The following NOC3L variants were observed in gnomAD, a reference collection of about 807,000 sequenced individuals.
The protein encoded by NOC3L is NOC3 like DNA replication regulator.
A neutral mutation model predicts 102.5 loss-of-function variants in NOC3L; 85 were observed. That is an observed-to-expected ratio of 0.83 (90% CI 0.70 to 0.99). The LOEUF is 0.99. Ranked by LOEUF, NOC3L falls within the 50% of genes least tolerant of loss-of-function variation. NOC3L has a pLI of 0.00. For missense variants in NOC3L, 878 were observed against 914.9 expected (o/e 0.96, Z 0.52); for synonymous variants, 303 against 309.4 (o/e 0.98, Z 0.22).
At chr10:94,316,531 T>C in the NOC3L span, 2 of 1,578,290 alleles carry the variant, frequency 1.3e-6, no homozygotes, top group Middle Eastern at 2.3e-4. Flanking sequence ...TCAGTTTGCC[T>C]TCACTTTTTC....
In NOC3L at chr10:94,333,334, T is replaced by C. The variant is rs1306510785; in HGVS notation, c.*843A>G. ...TTAGGCCACTCCTAGAATATGGGAA[T>C]AGCTGTTACATAAAATACTGTTTTA... On this transcript the variant is annotated 3_prime_UTR_variant, in exon 21 of 21. Coordinates refer to ENST00000371361, the MANE Select transcript of NOC3L (RefSeq NM_022451.11). 6.6e-6 allele frequency: 1 copy of C among 152,202 alleles called. No individual in the cohort carries two copies. The highest frequency in any genetic ancestry group is 1.5e-5 in the Non-Finnish European group (1 of 68,028). 9.4% of individuals were successfully genotyped at this position (152,202 alleles called of 1,614,324 possible).
chr10:94,362,815 T>C lies in NOC3L; in HGVS notation c.9+15A>G, dbSNP rs778809880. On this transcript the variant is annotated intron_variant, in intron 1 of 20. Transcript: ENST00000371361. ...GGCCCTAGGCCGCGGCGACCGGGCT[T>C]TTGAGGACACTTACCGCCTTCATCC... The C allele has an allele frequency of 1.2e-6, 2 of 1,613,900 alleles. No individual in the cohort carries two copies. The highest frequency in any genetic ancestry group is 1.7e-6 in the Non-Finnish European group (2 of 1,180,032).
At position 94,357,073 on chromosome 10, in the gene NOC3L, A is replaced by G. The variant is rs2054495087; in HGVS notation, c.508+101T>C. ...AAGACTAATTGAATATTTTCTAGAT[A>G]TGGGTAAAATCAAAGTAAAATTAAA... On this transcript the variant is annotated intron_variant, in intron 4 of 20. Coordinates refer to ENST00000371361, the MANE Select transcript of NOC3L (RefSeq NM_022451.11). 3 of 872,796 alleles carry G rather than the reference A, an allele frequency of 3.4e-6. No individual in the cohort carries two copies. In the Admixed American group the frequency reaches 8.6e-5, roughly 25 times the overall value. The allele number at this position is 872,796 out of a possible 1,614,324, so 54.1% of individuals were successfully genotyped here.
intron 8 of NOC3L, 39 bp from the exon 9 acceptor site, chr10:94,350,327 C>A: frequency 6.3e-7 from 1 of 1,578,358 alleles, no homozygotes; most frequent in South Asian, 1.1e-5. Flanking sequence ...ACTCATTGGT[C>A]AAAAGTTAAA....
rs757140631 is a variant in NOC3L at position 94,334,622 on chromosome 10, A to C, written c.2274+12T>G. On this transcript the variant is annotated intron_variant, in intron 20 of 20. Coordinates refer to ENST00000371361, the MANE Select transcript of NOC3L (RefSeq NM_022451.11). ...TATTTCTTCCTTTAAAAAAATGAAAAATATCCCATACCTTTATTTTGGGGT... is the reference window on the plus strand; with the variant it reads ...TATTTCTTCCTTTAAAAAAATGAAACATATCCCATACCTTTATTTTGGGGT... 1 of 1,597,846 alleles carries C rather than the reference A, an allele frequency of 6.3e-7. No homozygotes were observed. Among genetic ancestry groups the C allele is most frequent in the Non-Finnish European group, 8.6e-7 (1 of 1,168,732 alleles).
At position 94,339,806 on chromosome 10, in the gene NOC3L, G is replaced by T. The variant is rs1361074037; in HGVS notation, c.1895C>A (p.Thr632Asn). 1 of 1,614,144 alleles carries T rather than the reference G, an allele frequency of 6.2e-7. No individual in the cohort carries two copies. The highest frequency in any genetic ancestry group is 1.7e-5 in the Admixed American group (1 of 60,020). The change falls in exon 17 of 21, where the codon ACC (threonine) becomes AAC (asparagine). Residue 632 changes from threonine (T) to asparagine (N), a missense_variant. Physicochemically the swap from Thr to Asn is moderately conservative, Grantham distance 65. Transcript: ENST00000371361. ...ATTTGGAAGAACATGAAGAGCAAGG[G>T]TACAAAGGCGTTTGATGAAGGCAAG... ...RALAFIKRLC[T>N]LALHVLPNSS... is the part of the protein sequence containing the mutation.
intron 19 of NOC3L, among the ~76,000 whole-genome samples, chr10:94,336,742 A>G (rs895122638): frequency 6.6e-6 from 1 of 151,886 alleles, no homozygotes; most frequent in South Asian, 2.1e-4. Flanking sequence ...CTTTCTCTGT[A>G]TAACTTAAGT....
At chr10:94,352,067 A>C (rs1384876901) in intron 8 of NOC3L, among the ~76,000 whole-genome samples, 2 of 152,218 alleles carry the variant, frequency 1.3e-5, no homozygotes, top group Non-Finnish European at 2.9e-5. Flanking sequence ...TAATCCTGGA[A>C]GGTAAGTACT....
Position 94,352,922 on chromosome 10 carries a change from G to T in NOC3L, c.832C>A (p.Leu278Ile). Residue 278 changes from leucine (L) to isoleucine (I), a missense_variant, in exon 7 of 21, where the codon CTC becomes ATC. By Grantham distance (5) the Leu-to-Ile change is conservative. Coordinates refer to ENST00000371361, the MANE Select transcript of NOC3L (RefSeq NM_022451.11). ...DITPSYKIRP[L>I]TEAEKSTKTR... ...TTAGTAGATTTTTCTGCTTCTGTGA[G>T]GGGCCGGATTTTATATGAAGGAGTA... The T allele has an allele frequency of 6.2e-7, 1 of 1,613,218 alleles. No individual in the cohort carries two copies. Among genetic ancestry groups the T allele is most frequent in the Non-Finnish European group, 8.5e-7 (1 of 1,179,498 alleles).
chr10:94,319,864 CTTTT>C, the NOC3L span, among the ~76,000 whole-genome samples: 105 of 92,932 alleles, frequency 1.1e-3, 1 homozygote, highest in Middle Eastern at 7.7e-3. Flanking sequence ...CAAAGGTGCT[CTTTT>C]TTTTTTTTTT....
chr10:94,340,363 A>G lies in NOC3L; in HGVS notation c.1709-16T>C, dbSNP rs944450252. The G allele has an allele frequency of 6.2e-7, 1 of 1,612,358 alleles. No homozygotes were observed. Among genetic ancestry groups the G allele is most frequent in the African/African-American group, 1.3e-5 (1 of 74,882 alleles). On this transcript the variant is annotated splice_polypyrimidine_tract_variant and intron_variant, in intron 15 of 20. Coordinates refer to ENST00000371361, the MANE Select transcript of NOC3L (RefSeq NM_022451.11). The stretch of plus-strand genomic sequence containing the variant: ...AGAACATCACCTTTGAAATGACAAC[A>G]AACACCAATTAGGTATGTTATAGCA...
chr10:94,354,974 G>A lies in NOC3L; in HGVS notation c.685C>T (p.Pro229Ser). Reference protein sequence around the residue: ...AALASAILSDPENNIKKLKEL... With the variant: ...AALASAILSDSENNIKKLKEL... ...TTAATACTACCTACATTATTTTCTG[G>A]ATCTGATAATATGGCAGATGCCAAG... Residue 229 changes from proline (P) to serine (S), a missense_variant, in exon 6 of 21, where the codon CCA (proline) becomes TCA (serine). Coordinates refer to ENST00000371361, the MANE Select transcript of NOC3L (RefSeq NM_022451.11). 1.2e-6 allele frequency: 2 copies of A among 1,612,848 alleles called. No homozygotes were observed. Among genetic ancestry groups the A allele is most frequent in the Non-Finnish European group, 8.5e-7 (1 of 1,179,530 alleles).
downstream of NOC3L, chr10:94,329,062 T>A (rs1564904781): frequency 6.6e-6 from 1 of 152,196 alleles, no homozygotes. Flanking sequence ...ATTAGAAGCA[T>A]TAGTTCTCAG....
chr10:94,356,268 G>C (rs1018190671), intron 5 of NOC3L, among the ~76,000 whole-genome samples: 1 of 152,058 alleles, frequency 6.6e-6, no homozygotes, highest in Non-Finnish European at 1.5e-5. Context: ...AAGGAATTCA[G>C]AACAGTAATA....
chr10:94,344,640 T>C (rs1225434306), intron 12 of NOC3L, 125 bp from the exon 13 acceptor site: 2 of 713,474 alleles, frequency 2.8e-6, no homozygotes, highest in Non-Finnish European at 4.7e-6. Flanking sequence ...ATGCAATCTT[T>C]GAAATTTTTA....
intron 2 of NOC3L, among the ~76,000 whole-genome samples, chr10:94,361,084 T>A (rs1428504731): frequency 6.6e-6 from 1 of 152,144 alleles, no homozygotes; most frequent in Non-Finnish European, 1.5e-5. Flanking sequence ...TCTGATATAG[T>A]CAAATAAGAA....
intron 2 of NOC3L, among the ~76,000 whole-genome samples, chr10:94,359,626 G>T (rs1236915761): frequency 1.3e-5 from 2 of 152,078 alleles, no homozygotes; most frequent in Non-Finnish European, 2.9e-5. Flanking sequence ...TGGCAAACAG[G>T]TATATGAAAA....
At position 94,339,923 on chromosome 10, in the gene NOC3L, A is replaced by G. The variant is rs994926668; in HGVS notation, c.1781-3T>C. On this transcript the variant is annotated splice_polypyrimidine_tract_variant and splice_region_variant and intron_variant, in intron 16 of 20. Coordinates refer to ENST00000371361, the MANE Select transcript of NOC3L (RefSeq NM_022451.11). ...CTCAACACCTTCATTGGTAGCACCT[A>G]AAACAGCAGACATATTCTTCAGAGC... 2 of 1,611,658 alleles carry G rather than the reference A, an allele frequency of 1.2e-6. No individual in the cohort carries two copies. Among genetic ancestry groups the G allele is most frequent in the Non-Finnish European group, 8.5e-7 (1 of 1,178,584 alleles).
In NOC3L at chr10:94,341,521, AATC is replaced by A. The variant is rs1287090246; in HGVS notation, c.1644+149_1644+151del. 10 of 384,340 alleles carry A rather than the reference AATC, an allele frequency of 2.6e-5. No individual in the cohort carries two copies. In the East Asian group the frequency reaches 3.7e-4, roughly 14 times the overall value. 23.8% of individuals were successfully genotyped at this position (384,340 alleles called of 1,614,324 possible). Reference sequence around the variant, plus strand: ...CGTTCTACATCTTGACTGTGGTGGTAATCATATGATCATAGGCCTTTGTCAAAA... The same window carrying A: ...CGTTCTACATCTTGACTGTGGTGGTAATATGATCATAGGCCTTTGTCAAAA... On this transcript the variant is annotated intron_variant, in intron 14 of 20. Transcript: ENST00000371361.
Sources: gnomAD v4.1 joint callset for allele counts (sites outside exome capture counted in the v4.1 genomes callset) on GRCh38, gnomAD v4.1.1 for gene constraint, MANE v1.5 for transcripts, NCBI Gene and HGNC (gene_info 2026-07-23, HGNC 2026-07-21) for gene names.